The following C12orf42 variants were observed in gnomAD, a reference collection of about 807,000 sequenced individuals.
The protein encoded by C12orf42 is uncharacterized protein C12orf42.
In C12orf42, 25 loss-of-function variants were observed where a neutral mutation model predicts 21.6. The observed-to-expected ratio is 1.16, with a 90% CI of 0.84 to 1.62. The LOEUF is 1.62. C12orf42 is among the 40% of genes most tolerant of loss of function. The pLI, the probability that C12orf42 is intolerant of heterozygous loss-of-function variation, is 0.00. For missense variants in C12orf42, 483 were observed against 459.3 expected, an observed-to-expected ratio of 1.05 and a Z score of -0.47; for synonymous variants, 174 against 175.0, an observed-to-expected ratio of 0.99 and a Z score of 0.05.
At chr12:103,187,147 GAA>G in the C12orf42 span, among the ~76,000 whole-genome samples, 1 of 152,090 alleles carries the variant, frequency 6.6e-6, no homozygotes, top group African/African-American at 2.4e-5. Context: ...AAATGGGCAA[GAA>G]TGATTTGTTT....
chr12:103,152,944 C>T, the C12orf42 span, among the ~76,000 whole-genome samples: 1 of 152,066 alleles, frequency 6.6e-6, no homozygotes, highest in African/African-American at 2.4e-5. Flanking sequence ...GTACTTAATG[C>T]TTTCCCAATA....
At chr12:103,332,722 G>A (rs2041351837) in intron 4 of C12orf42, among the ~76,000 whole-genome samples, 1 of 152,254 alleles carries the variant, frequency 6.6e-6, no homozygotes, top group Non-Finnish European at 1.5e-5. Context: ...GGTCCCAACT[G>A]CTGGTACCTG....
Position 103,454,574 on chromosome 12 carries a change from C to T in C12orf42, c.78+23775G>A, listed in dbSNP as rs139859162. ...TACTTTTTCCTCAGGTTTCTGTCAC[C>T]AGTTCTTTCCTTCTTATCATCACCA... On this transcript the variant is annotated intron_variant, in intron 2 of 5. Transcript: ENST00000548883. Among the ~76,000 whole-genome samples the T allele has an allele frequency of 5.4e-3, 821 of 152,138 alleles. 7 individuals carry two copies. Among genetic ancestry groups the T allele is most frequent in the African/African-American group, 0.018 (766 of 41,524 alleles).
At chr12:103,541,953 A>C in the C12orf42 span, among the ~76,000 whole-genome samples, 1 of 152,230 alleles carries the variant, frequency 6.6e-6, no homozygotes, top group Non-Finnish European at 1.5e-5. Context: ...CCAGTCAGGC[A>C]TGGCCCATTC....
At chr12:103,192,930 G>A in the C12orf42 span, among the ~76,000 whole-genome samples, 1 of 152,120 alleles carries the variant, frequency 6.6e-6, no homozygotes, top group Admixed American at 6.5e-5. Flanking sequence ...CTCAACAGCA[G>A]AAAATATACC....
chr12:103,300,336 G>T (rs923987781), downstream of C12orf42, among the ~76,000 whole-genome samples: 1 of 152,050 alleles, frequency 6.6e-6, no homozygotes, highest in Non-Finnish European at 1.5e-5. Flanking sequence ...GGTACATGGT[G>T]GGTATCTCTC....
chr12:103,123,007 T>C, the C12orf42 span, among the ~76,000 whole-genome samples: 2 of 152,156 alleles, frequency 1.3e-5, no homozygotes, highest in Admixed American at 6.6e-5. Context: ...ACAATGGTGG[T>C]TTGGATCAGG....
At chr12:103,099,818 C>T in the C12orf42 span, among the ~76,000 whole-genome samples, 9 of 152,124 alleles carry the variant, frequency 5.9e-5, no homozygotes, top group South Asian at 2.1e-4. Context: ...GTTTGCATGA[C>T]GTTTTATAGA....
downstream of C12orf42, among the ~76,000 whole-genome samples, chr12:103,265,431 A>G (rs534529233): frequency 6.6e-6 from 1 of 152,282 alleles, no homozygotes; most frequent in Non-Finnish European, 1.5e-5. Flanking sequence ...AAACTGCTTT[A>G]CCTATTTTAA....
At chr12:103,267,040 G>A (rs2035203913), downstream of C12orf42, among the ~76,000 whole-genome samples, 1 of 152,152 alleles carries the variant, frequency 6.6e-6, no homozygotes, top group Non-Finnish European at 1.5e-5. Context: ...GAGCAAAGCA[G>A]AAGCAGTGGG....
At chr12:103,371,966 T>C (rs10860990) in intron 3 of C12orf42, among the ~76,000 whole-genome samples, 69,609 of 152,018 alleles carry the variant, frequency 0.46, 17,274 homozygotes, top group East Asian at 0.67. Context: ...CCACTCTTTC[T>C]TACTCTGAAG....
the C12orf42 span, among the ~76,000 whole-genome samples, chr12:103,091,831 GT>G: frequency 6.6e-6 from 1 of 152,098 alleles, no homozygotes; most frequent in Non-Finnish European, 1.5e-5. Context: ...GCACAATGTT[GT>G]TTTCTTACAA....
At chr12:103,346,806 G>T (rs2042662255) in intron 4 of C12orf42, among the ~76,000 whole-genome samples, 1 of 152,152 alleles carries the variant, frequency 6.6e-6, no homozygotes, top group Non-Finnish European at 1.5e-5. Context: ...GTACCATCTT[G>T]ACAGAACTGC....
At chr12:103,380,785 T>C (rs1295514877) in intron 3 of C12orf42, among the ~76,000 whole-genome samples, 1 of 152,258 alleles carries the variant, frequency 6.6e-6, no homozygotes, top group Non-Finnish European at 1.5e-5. Flanking sequence ...CAGGCACTGT[T>C]CTAAACACTT....
intron 4 of C12orf42, among the ~76,000 whole-genome samples, chr12:103,292,903 G>T (rs552533530): frequency 1.3e-5 from 2 of 151,994 alleles, no homozygotes; most frequent in African/African-American, 4.8e-5. Context: ...AAATAATTAT[G>T]ATTGACAAAT....
chr12:103,249,720 CA>C (rs1260671010), intron 10 of C12orf42, among the ~76,000 whole-genome samples: 1 of 152,064 alleles, frequency 6.6e-6, no homozygotes, highest in Non-Finnish European at 1.5e-5. Context: ...AGAACAAACT[CA>C]AACACACAGG....
intron 1 of C12orf42, among the ~76,000 whole-genome samples, chr12:103,491,092 G>A (rs189637988): frequency 6.6e-6 from 1 of 152,168 alleles, no homozygotes; most frequent in East Asian, 1.9e-4. Flanking sequence ...CTATAATGTG[G>A]AACTTCTTTT....
chr12:103,528,692 C>A, the C12orf42 span, among the ~76,000 whole-genome samples: 1 of 152,200 alleles, frequency 6.6e-6, no homozygotes, highest in Non-Finnish European at 1.5e-5. Context: ...GATGCCCAAT[C>A]TAGAACTTTT....
At chr12:103,216,245 T>C in the C12orf42 span, among the ~76,000 whole-genome samples, 2 of 152,138 alleles carry the variant, frequency 1.3e-5, no homozygotes, top group Non-Finnish European at 2.9e-5. Flanking sequence ...CTCTAGGGAG[T>C]ATGGATTCGC....
Sources: allele counts gnomAD v4.1 joint callset (sites outside exome capture counted in the v4.1 genomes callset), GRCh38; gene constraint gnomAD v4.1.1; transcripts MANE v1.5; gene names NCBI Gene and HGNC (gene_info 2026-07-23, HGNC 2026-07-21).